The following TLK1 variants were observed in gnomAD, a reference collection of about 807,000 sequenced individuals.
TLK1 encodes tousled like kinase 1, also known as serine/threonine-protein kinase tousled-like 1.
In TLK1, 24 loss-of-function variants were observed where a neutral mutation model predicts 105.3. That is an observed-to-expected ratio of 0.23 (90% CI 0.17 to 0.32). TLK1 has a LOEUF of 0.32. Among genes scored for constraint, TLK1 ranks in the 10% least tolerant of loss-of-function variants. TLK1 has a pLI of 1.00. For synonymous variants in TLK1, 321 were observed against 310.4 expected (o/e 1.03, Z -0.36); for missense variants, 558 against 910.5 (o/e 0.61, Z 4.98).
intron 1 of TLK1, among the ~76,000 whole-genome samples, chr2:171,122,233 G>A (rs1690682977): frequency 6.6e-6 from 1 of 152,050 alleles, no homozygotes; most frequent in Admixed American, 6.6e-5. Flanking sequence ...CAAAGTGCTG[G>A]GATTACAGGC....
At chr2:171,064,122 G>T (rs950531551) in intron 3 of TLK1, among the ~76,000 whole-genome samples, 5 of 152,074 alleles carry the variant, frequency 3.3e-5, no homozygotes, top group African/African-American at 1.2e-4. Context: ...TAGTAAAGAA[G>T]GCAACAAGTT....
At chr2:171,224,762 GAAC>G (rs1160533756) in intron 1 of TLK1, among the ~76,000 whole-genome samples, 1 of 152,072 alleles carries the variant, frequency 6.6e-6, no homozygotes, top group Non-Finnish European at 1.5e-5. Flanking sequence ...CAATCTTAAA[GAAC>G]AAAACTGTGG....
chr2:171,194,783 C>G (rs957633009), intron 1 of TLK1, among the ~76,000 whole-genome samples: 5 of 144,268 alleles, frequency 3.5e-5, no homozygotes, highest in Admixed American at 1.4e-4. Flanking sequence ...CGCCACTGCA[C>G]TCCAGCCTGG....
intron 1 of TLK1, among the ~76,000 whole-genome samples, chr2:171,156,052 T>C (rs999005770): frequency 2.0e-5 from 3 of 152,234 alleles, no homozygotes; most frequent in Non-Finnish European, 4.4e-5. Context: ...ATTTTTGGAA[T>C]ACAATATGCT....
upstream of TLK1, among the ~76,000 whole-genome samples, chr2:171,165,456 T>A (rs951061070): frequency 6.6e-6 from 1 of 152,244 alleles, no homozygotes; most frequent in Non-Finnish European, 1.5e-5. Flanking sequence ...TTTATAACTA[T>A]GTTTAATAGA....
intron 1 of TLK1, among the ~76,000 whole-genome samples, chr2:171,213,480 G>T (rs1388978024): frequency 6.6e-6 from 1 of 151,670 alleles, no homozygotes; most frequent in East Asian, 1.9e-4. Context: ...CAGGATTACA[G>T]CTATGAGCCA....
At chr2:171,221,119 T>C (rs941286618) in intron 1 of TLK1, among the ~76,000 whole-genome samples, 2 of 152,202 alleles carry the variant, frequency 1.3e-5, no homozygotes, top group African/African-American at 4.8e-5. Flanking sequence ...CACACAGCAT[T>C]CCACATTTCT....
chr2:171,189,095 T>C lies in TLK1; in HGVS notation c.-6+42050A>G, dbSNP rs570693781. ...TCAATATCACATCTGAAGTGAAATATCCATGTAACCAGAATATAGAGAGGG... is the reference window on the plus strand; with the variant it reads ...TCAATATCACATCTGAAGTGAAATACCCATGTAACCAGAATATAGAGAGGG... On this transcript the variant is annotated intron_variant, in intron 1 of 20. Transcript: ENST00000521943. Among the ~76,000 whole-genome samples the C allele has an allele frequency of 2.1e-4, 32 of 152,016 alleles. 1 individual carries two copies. The highest frequency in any genetic ancestry group is 6.9e-3 in the Middle Eastern group (2 of 290).
At chr2:171,120,173 C>A (rs1690593944) in intron 1 of TLK1, among the ~76,000 whole-genome samples, 2 of 148,210 alleles carry the variant, frequency 1.3e-5, no homozygotes, top group Admixed American at 1.4e-4. Flanking sequence ...CACCTGAACC[C>A]AGGAGGCAAA....
rs1683898766 is a variant in TLK1, at chr2:170,993,683, A to AAAG, written c.*96_*97insCTT. The AAAG allele has an allele frequency of 2.7e-5, 26 of 974,874 alleles. No homozygotes were observed. Among genetic ancestry groups the AAAG allele is most frequent in the Admixed American group, 1.4e-4 (4 of 28,496 alleles). The allele number at this position is 974,874 out of a possible 1,614,324, so 60.4% of individuals were successfully genotyped here. A position where few individuals can be genotyped will look rare whatever the true frequency, so the allele number is the denominator to read the frequency against. On this transcript the variant is annotated 3_prime_UTR_variant, in exon 21 of 21. Coordinates refer to ENST00000431350, the MANE Select transcript of TLK1 (RefSeq NM_012290.5). ...ACGTCTTGTGTAAAAAAAAAAAAAA[A>AAAG]AAAAAAAGAAAAAGAAAACAAACAC... is the stretch of plus-strand genomic sequence containing the variant.
At chr2:171,115,300 T>C (rs570357769) in intron 2 of TLK1, among the ~76,000 whole-genome samples, 2 of 151,094 alleles carry the variant, frequency 1.3e-5, no homozygotes, top group Admixed American at 6.6e-5. Context: ...GCCTCCCGAG[T>C]AGCTAGGATT....
chr2:171,172,437 C>T (rs1025097933), intron 1 of TLK1, among the ~76,000 whole-genome samples: 6 of 152,118 alleles, frequency 3.9e-5, no homozygotes, highest in African/African-American at 1.4e-4. Flanking sequence ...AAAATATAGA[C>T]ACACCACACA....
At chr2:171,153,691 C>T (rs1692128307) in intron 1 of TLK1, among the ~76,000 whole-genome samples, 1 of 152,168 alleles carries the variant, frequency 6.6e-6, no homozygotes, top group African/African-American at 2.4e-5. Flanking sequence ...TAGGGGCAGA[C>T]ACAGGGGTCC....
rs1575491327 is a variant in TLK1 at position 170,992,804 on chromosome 2, C to A, written c.*976G>T. The A allele has an allele frequency of 1.3e-5, 2 of 152,446 alleles. No individual in the cohort carries two copies. The highest frequency in any genetic ancestry group is 2.9e-5 in the Non-Finnish European group (2 of 67,978). The allele number at this position is 152,446 out of a possible 1,614,324, so 9.4% of individuals were successfully genotyped here. On this transcript the variant is annotated 3_prime_UTR_variant, in exon 21 of 21. Coordinates refer to ENST00000431350, the MANE Select transcript of TLK1 (RefSeq NM_012290.5). ...CCTTCAAGAAGACTTAAAAAAAATA[C>A]AATATCCAATTAGAAAAGCCATATT...
intron 1 of TLK1, among the ~76,000 whole-genome samples, chr2:171,226,189 G>C (rs1693893689): frequency 6.6e-6 from 1 of 152,060 alleles, no homozygotes; most frequent in Non-Finnish European, 1.5e-5. Context: ...TGACATTCAG[G>C]GGCCTTTGTT....
upstream of TLK1, among the ~76,000 whole-genome samples, chr2:171,165,284 G>A (rs1692585995): frequency 6.6e-6 from 1 of 152,162 alleles, no homozygotes; most frequent in South Asian, 2.1e-4. Context: ...CTCTAGTACA[G>A]ACCAAGGGCT....
At chr2:171,155,599 T>C (rs769053221) in intron 1 of TLK1, 1 of 152,214 alleles carries the variant, frequency 6.6e-6, no homozygotes, top group South Asian at 2.1e-4. Context: ...CATTTTTAAA[T>C]TGGATGAAGC....
chr2:171,039,849 G>A (rs563408343), intron 11 of TLK1, among the ~76,000 whole-genome samples: 2 of 151,996 alleles, frequency 1.3e-5, no homozygotes, highest in Non-Finnish European at 1.5e-5. Flanking sequence ...AACAAAAACT[G>A]GTCACTACCA....
intron 1 of TLK1, among the ~76,000 whole-genome samples, chr2:171,219,324 T>C (rs1693767314): frequency 6.6e-6 from 1 of 152,226 alleles, no homozygotes; most frequent in African/African-American, 2.4e-5. Flanking sequence ...CTCTAATCTC[T>C]GCCTCTGTGG....
Sources: gnomAD v4.1 joint callset for allele counts (sites outside exome capture counted in the v4.1 genomes callset) on GRCh38, gnomAD v4.1.1 for gene constraint, MANE v1.5 for transcripts, NCBI Gene and HGNC (gene_info 2026-07-23, HGNC 2026-07-21) for gene names.